Variants in CNTLN observed in about 807,000 individuals in gnomAD.
The protein encoded by CNTLN is centlein, also known as centlein, centrosomal protein.
Under a neutral mutation model 180.0 loss-of-function variants are expected in CNTLN, and 212 were observed. That is an observed-to-expected ratio of 1.18 (90% CI 1.05 to 1.32). The LOEUF (loss-of-function observed/expected upper bound fraction) is 1.32. Ranked by LOEUF, CNTLN falls within the 40% of genes most tolerant of loss-of-function variation. The pLI, the probability that CNTLN is intolerant of heterozygous loss-of-function variation, is 0.00. For synonymous variants in CNTLN, 722 were observed against 563.1 expected, an observed-to-expected ratio of 1.28 and a Z score of -3.99; for missense variants, 2,095 against 1,610.9, an observed-to-expected ratio of 1.30 and a Z score of -5.14.
At chr9:17,181,933 G>C (rs1216294989) in intron 2 of CNTLN, among the ~76,000 whole-genome samples, 1 of 152,190 alleles carries the variant, frequency 6.6e-6, no homozygotes, top group Non-Finnish European at 1.5e-5. Context: ...TGAAAATTCT[G>C]ACTCTTCCTT....
intron 2 of CNTLN, among the ~76,000 whole-genome samples, chr9:17,204,290 T>C (rs1822759716): frequency 6.6e-6 from 1 of 152,242 alleles, no homozygotes. Context: ...CTCATCTCCA[T>C]GGATTTATCT....
Position 17,135,087 on chromosome 9 carries a change from T to C in CNTLN, c.22T>C (p.Ser8Pro). Residue 8 changes from serine (S) to proline (P), a missense_variant, in exon 1 of 26, where the codon TCA becomes CCA. By Grantham distance (74) the Ser-to-Pro change is moderately conservative. Coordinates refer to ENST00000380647, the MANE Select transcript of CNTLN (RefSeq NM_017738.4). Reference protein sequence around the residue: MAARSPPSPHPSPPARQL... With the variant: MAARSPPPPHPSPPARQL... ...AGCCATGGCGGCGCGTTCGCCTCCCTCACCGCACCCTTCGCCCCCAGCGCG... is the reference window on the plus strand; with the variant it reads ...AGCCATGGCGGCGCGTTCGCCTCCCCCACCGCACCCTTCGCCCCCAGCGCG... The C allele has an allele frequency of 6.2e-7, 1 of 1,602,740 alleles. No individual in the cohort carries two copies. Among genetic ancestry groups the C allele is most frequent in the Admixed American group, 1.7e-5 (1 of 59,358 alleles).
chr9:17,406,592 T>C (rs1468137041), intron 15 of CNTLN, among the ~76,000 whole-genome samples: 1 of 151,770 alleles, frequency 6.6e-6, no homozygotes, highest in Non-Finnish European at 1.5e-5. Flanking sequence ...TTCCTTCCTC[T>C]TATCTTGCTC....
chr9:17,245,299 A>T (rs1825734334), intron 5 of CNTLN, among the ~76,000 whole-genome samples: 1 of 151,428 alleles, frequency 6.6e-6, no homozygotes, highest in Non-Finnish European at 1.5e-5. Flanking sequence ...GATATTTTTG[A>T]TGGATATACT....
chr9:17,212,771 G>T (rs1823423056), intron 2 of CNTLN, among the ~76,000 whole-genome samples: 1 of 152,042 alleles, frequency 6.6e-6, no homozygotes, highest in Admixed American at 6.5e-5. Context: ...CTTCTTCCTG[G>T]TTTAGTCTTC....
At position 17,241,080 on chromosome 9, in the gene CNTLN, G is replaced by A. The variant is rs112021497; in HGVS notation, c.849+4492G>A. On this transcript the variant is annotated intron_variant, in intron 5 of 25. Coordinates refer to ENST00000380647, the MANE Select transcript of CNTLN (RefSeq NM_017738.4). The stretch of plus-strand genomic sequence containing the variant: ...TCATCGTGTTAGCCAGGATGGTCTC[G>A]ATCTCCTGACCTGGTGATCCGCCCA... Among the ~76,000 whole-genome samples the A allele has an allele frequency of 2.8e-3, 433 of 152,154 alleles. 2 individuals are homozygous for A. The highest frequency in any genetic ancestry group is 9.9e-3 in the African/African-American group (412 of 41,532).
chr9:17,392,578 A>G (rs1383059828), intron 14 of CNTLN, among the ~76,000 whole-genome samples: 1 of 152,222 alleles, frequency 6.6e-6, no homozygotes, highest in African/African-American at 2.4e-5. Context: ...GCAGAAGTCT[A>G]CAATAGTTTG....
At chr9:17,437,690 T>C (rs926978582) in intron 18 of CNTLN, among the ~76,000 whole-genome samples, 1 of 152,186 alleles carries the variant, frequency 6.6e-6, no homozygotes, top group Non-Finnish European at 1.5e-5. Context: ...ACCTAACACA[T>C]GTAAAGCGCT....
chr9:17,439,548 G>C (rs1230817810), intron 18 of CNTLN, among the ~76,000 whole-genome samples: 1 of 152,172 alleles, frequency 6.6e-6, no homozygotes, highest in Admixed American at 6.5e-5. Context: ...ATGTGACTAA[G>C]GTGGTACTCA....
chr9:17,459,433 A>G (rs922804467), intron 19 of CNTLN, among the ~76,000 whole-genome samples: 3 of 151,876 alleles, frequency 2.0e-5, no homozygotes, highest in African/African-American at 7.2e-5. Flanking sequence ...AACACTGACC[A>G]AACTGTATAG....
chr9:17,463,309 G>T (rs1831557020), intron 20 of CNTLN, among the ~76,000 whole-genome samples: 1 of 151,552 alleles, frequency 6.6e-6, no homozygotes, highest in African/African-American at 2.4e-5. Context: ...CAACGTGGTG[G>T]TTATTTGGCC....
intron 11 of CNTLN, among the ~76,000 whole-genome samples, chr9:17,341,186 G>C (rs145874107): frequency 7.9e-5 from 12 of 152,146 alleles, no homozygotes; most frequent in African/African-American, 2.7e-4. Context: ...ATGAATTATT[G>C]TACACATTTT....
At position 17,236,447 on chromosome 9, in the gene CNTLN, C is replaced by T. The variant is rs772140295; in HGVS notation, c.708C>T (p.Asn236=). The T allele has an allele frequency of 1.9e-6, 3 of 1,613,378 alleles. No individual in the cohort carries two copies. The South Asian group carries it at 3.3e-5, about 18-fold the overall frequency. Residue 236 remains asparagine (N), a synonymous_variant, in exon 5 of 26, where the codon AAC becomes AAT. Transcript: ENST00000380647. ...KECVQNKEEQ[N]RLVIKNLEEE... ...GTGTACAGAACAAAGAAGAGCAAAA[C>T]AGACTAGTTATAAAAAATCTGGAGG...
intron 2 of CNTLN, among the ~76,000 whole-genome samples, chr9:17,197,205 A>G (rs1417027320): frequency 6.6e-6 from 1 of 152,176 alleles, no homozygotes; most frequent in Non-Finnish European, 1.5e-5. Flanking sequence ...AAAATGGGGT[A>G]TTTATAGTTA....
At chr9:17,262,435 T>A (rs1293541442) in intron 5 of CNTLN, among the ~76,000 whole-genome samples, 1 of 151,416 alleles carries the variant, frequency 6.6e-6, no homozygotes, top group African/African-American at 2.5e-5. Flanking sequence ...GGGACATGGA[T>A]GAAGATGGAA....
chr9:17,263,320 G>A (rs1827153153), intron 5 of CNTLN, among the ~76,000 whole-genome samples: 1 of 149,322 alleles, frequency 6.7e-6, no homozygotes, highest in African/African-American at 2.5e-5. Flanking sequence ...GCGATAGTTT[G>A]CTGAGATTGA....
intron 16 of CNTLN, among the ~76,000 whole-genome samples, chr9:17,414,535 T>G (rs1446482665): frequency 6.6e-6 from 1 of 152,198 alleles, no homozygotes; most frequent in Admixed American, 6.5e-5. Flanking sequence ...AATTAAAAAT[T>G]TATATGCCAG....
intron 7 of CNTLN, chr9:17,301,693 T>A: frequency 1.0e-6 from 1 of 962,092 alleles, no homozygotes; most frequent in Non-Finnish European, 1.2e-6. Context: ...TCAACTAGAC[T>A]CAATTTGAAA....
At position 17,266,470 on chromosome 9, in the gene CNTLN, T is replaced by G. The variant is rs146698602; in HGVS notation, c.850-7263T>G. Reference sequence around the variant, plus strand: ...GCTTTGCTTCCCAGTATGTGGTCAATTTTGGAATAGGTGTGGTGTGCTGCT... The same window carrying G: ...GCTTTGCTTCCCAGTATGTGGTCAAGTTTGGAATAGGTGTGGTGTGCTGCT... On this transcript the variant is annotated intron_variant, in intron 5 of 25. Transcript: ENST00000380647. Among the ~76,000 whole-genome samples, 453 of 152,248 alleles carry G rather than the reference T, an allele frequency of 3.0e-3. 1 individual carries two copies. Among genetic ancestry groups the G allele is most frequent in the Admixed American group, 7.3e-3 (112 of 15,292 alleles).
Sources: gnomAD v4.1 joint callset for allele counts (sites outside exome capture counted in the v4.1 genomes callset) on GRCh38, gnomAD v4.1.1 for gene constraint, MANE v1.5 for transcripts, NCBI Gene and HGNC (gene_info 2026-07-23, HGNC 2026-07-21) for gene names.